The following LRP1B variants were observed in gnomAD, a reference collection of about 807,000 sequenced individuals.
LRP1B encodes low-density lipoprotein receptor-related protein 1B.
Under a neutral mutation model 556.6 loss-of-function variants are expected in LRP1B, and 217 were observed. The ratio of observed to expected loss-of-function variants is 0.39; its 90% CI spans 0.35 to 0.44. LRP1B has a LOEUF of 0.44. Ranked by LOEUF, LRP1B falls within the 20% of genes least tolerant of loss-of-function variation. The pLI is 1.00. For synonymous variants in LRP1B, 2,047 were observed against 1,865.8 expected, an observed-to-expected ratio of 1.10 and a Z score of -2.50; for missense variants, 5,053 against 5,620.8, an observed-to-expected ratio of 0.90 and a Z score of 3.23.
chr2:140,985,470 C>T (rs1343312759), intron 17 of LRP1B, among the ~76,000 whole-genome samples: 2 of 151,352 alleles, frequency 1.3e-5, no homozygotes. Context: ...TGATATGAAA[C>T]TGTCTAGGCT....
intron 1 of LRP1B, among the ~76,000 whole-genome samples, chr2:141,822,359 T>C (rs763277491): frequency 9.2e-5 from 14 of 152,142 alleles, no homozygotes; most frequent in Non-Finnish European, 1.5e-4. Flanking sequence ...CCCATTCAAA[T>C]GAATCAGCAA....
In LRP1B at chr2:140,847,777, G is replaced by A. The variant is rs78955713; in HGVS notation, c.4939+2325C>T. Among the ~76,000 whole-genome samples the A allele has an allele frequency of 3.4e-3, 32 of 9,382 alleles. 3 individuals carry two copies. The highest frequency in any genetic ancestry group is 5.9e-3 in the Non-Finnish European group (16 of 2,728). 6.2% of individuals were successfully genotyped at this position (9,382 alleles called of 152,430 possible). A position where few individuals can be genotyped will look rare whatever the true frequency, so the allele number is the denominator to read the frequency against. On this transcript the variant is annotated intron_variant, in intron 29 of 90. Coordinates refer to ENST00000389484, the MANE Select transcript of LRP1B (RefSeq NM_018557.3). The stretch of plus-strand genomic sequence containing the variant: ...GAGACTGCATCTAAAAAAAAAAAAA[G>A]AAGAAAGAAAAGAAAATGTTCCAAT...
At chr2:140,699,833 G>GA (rs548946503) in intron 41 of LRP1B, among the ~76,000 whole-genome samples, 14 of 144,338 alleles carry the variant, frequency 9.7e-5, no homozygotes, top group East Asian at 4.0e-4. Context: ...CATATATACA[G>GA]AAAAAAAATC....
At chr2:140,358,169 A>G in intron 73 of LRP1B, 53 bp from the exon 74 acceptor site, 2 of 1,539,728 alleles carry the variant, frequency 1.3e-6, no homozygotes, top group South Asian at 2.4e-5. Context: ...AAACACTCTT[A>G]TTGAGCATGT....
At chr2:142,021,173 A>T (rs1703318398) in intron 1 of LRP1B, among the ~76,000 whole-genome samples, 1 of 152,180 alleles carries the variant, frequency 6.6e-6, no homozygotes, top group South Asian at 2.1e-4. Context: ...CCAGAGATAT[A>T]ATGATTCATA....
chr2:141,354,764 A>G (rs1688565263), intron 3 of LRP1B, among the ~76,000 whole-genome samples: 1 of 151,740 alleles, frequency 6.6e-6, no homozygotes, highest in Non-Finnish European at 1.5e-5. Context: ...AAGTGCAATC[A>G]ACCCTGCAAT....
At chr2:142,033,642 C>G (rs1375573701) in intron 1 of LRP1B, among the ~76,000 whole-genome samples, 2 of 151,640 alleles carry the variant, frequency 1.3e-5, no homozygotes, top group African/African-American at 4.8e-5. Context: ...GTTTCATTCT[C>G]CTTCTATAAA....
chr2:141,927,956 C>T (rs1700382555), intron 1 of LRP1B, among the ~76,000 whole-genome samples: 2 of 150,784 alleles, frequency 1.3e-5, no homozygotes, highest in African/African-American at 4.9e-5. Flanking sequence ...AAAACACTGC[C>T]ATGTTTTAAA....
chr2:140,448,536 T>C (rs1309130354), intron 63 of LRP1B, among the ~76,000 whole-genome samples: 1 of 152,116 alleles, frequency 6.6e-6, no homozygotes, highest in Non-Finnish European at 1.5e-5. Flanking sequence ...ATCTCACTTA[T>C]ATGTAGACTC....
chr2:140,251,290 C>T (rs1024685401), intron 86 of LRP1B, among the ~76,000 whole-genome samples: 2 of 151,192 alleles, frequency 1.3e-5, no homozygotes, highest in East Asian at 1.9e-4. Context: ...ACATATAAAC[C>T]GTCTAAAATA....
rs568435563 is a variant in LRP1B, at chr2:141,647,177, T to C, written c.205+163102A>G. ...GTAATGCTTTAGCCAGGGAATGCTA[T>C]GTGTTCACTACTTCTTCTTTCCACA... On this transcript the variant is annotated intron_variant, in intron 2 of 90. Transcript: ENST00000389484. 2.6e-5 allele frequency among the ~76,000 whole-genome samples: 4 copies of C among 152,310 alleles called. No homozygotes were observed. The South Asian group carries it at 6.2e-4, about 24-fold the overall frequency.
Position 140,867,818 on chromosome 2 carries a change from A to T in LRP1B, c.4351T>A (p.Ser1451Thr). ...ATGTTTGTTCCATCATAGAGGGCTGAATAAATAGCATCTGACCTACAGAAA... is the reference window on the plus strand; with the variant it reads ...ATGTTTGTTCCATCATAGAGGGCTGTATAAATAGCATCTGACCTACAGAAA... ...WTDARSDAIY[S>T]ALYDGTNMIE... is the part of the protein sequence containing the mutation. Residue 1451 changes from serine (S) to threonine (T), a missense_variant, in exon 27 of 91, where the codon TCA (serine) becomes ACA (threonine). This residue lies in a region of LRP1B where 3,619 missense variants were observed against 3,931.9 expected (regional missense o/e 0.92). Coordinates refer to ENST00000389484, the MANE Select transcript of LRP1B (RefSeq NM_018557.3). 6.4e-7 allele frequency: 1 copy of T among 1,561,368 alleles called. No individual in the cohort carries two copies. The highest frequency in any genetic ancestry group is 8.7e-7 in the Non-Finnish European group (1 of 1,153,804).
At chr2:140,891,615 T>C (rs1389310893) in intron 23 of LRP1B, among the ~76,000 whole-genome samples, 1 of 152,172 alleles carries the variant, frequency 6.6e-6, no homozygotes, top group Non-Finnish European at 1.5e-5. Context: ...TGGTATATTA[T>C]TTATCTGGCC....
At chr2:140,663,521 C>G (rs941905457) in intron 41 of LRP1B, among the ~76,000 whole-genome samples, 35 of 152,154 alleles carry the variant, frequency 2.3e-4, no homozygotes, top group African/African-American at 8.4e-4. Flanking sequence ...CCTCATGAAC[C>G]AATCTCTGCT....
chr2:140,890,864 TAAAA>T (rs1693776963), intron 23 of LRP1B, among the ~76,000 whole-genome samples: 1 of 152,080 alleles, frequency 6.6e-6, no homozygotes, highest in Admixed American at 6.6e-5. Context: ...TATTTGGAGA[TAAAA>T]TAAATGAAGA....
intron 1 of LRP1B, among the ~76,000 whole-genome samples, chr2:141,820,624 G>T (rs1328063511): frequency 6.6e-6 from 1 of 152,136 alleles, no homozygotes; most frequent in Non-Finnish European, 1.5e-5. Context: ...AATTTTTGTT[G>T]TCATGCTGAG....
At chr2:141,327,036 A>C (rs1253457309) in intron 3 of LRP1B, among the ~76,000 whole-genome samples, 1 of 152,138 alleles carries the variant, frequency 6.6e-6, no homozygotes. Flanking sequence ...TAACAATGAG[A>C]GATAAATGAG....
intron 2 of LRP1B, among the ~76,000 whole-genome samples, chr2:141,504,670 G>A (rs181066978): frequency 4.5e-4 from 69 of 152,174 alleles, no homozygotes; most frequent in African/African-American, 6.0e-4. Flanking sequence ...ATCACCAAAG[G>A]ATCAAGAACA....
intron 3 of LRP1B, among the ~76,000 whole-genome samples, chr2:141,261,009 C>T (rs1254526477): frequency 6.6e-6 from 1 of 151,988 alleles, no homozygotes; most frequent in Non-Finnish European, 1.5e-5. Context: ...AAAACAAGTA[C>T]CTCACTGTTT....
Sources: allele counts gnomAD v4.1 joint callset (sites outside exome capture counted in the v4.1 genomes callset), GRCh38; gene constraint gnomAD v4.1.1; regional missense constraint gnomAD v4.1.1; transcripts MANE v1.5; gene names NCBI Gene and HGNC (gene_info 2026-07-23, HGNC 2026-07-21).